Variants in SHISA9 observed in about 807,000 individuals in gnomAD.
The protein encoded by SHISA9 is protein shisa-9.
SHISA9 carries 13 observed loss-of-function variants against 38.0 expected under a neutral mutation model. The observed-to-expected ratio is 0.34, with a 90% CI of 0.22 to 0.54. The LOEUF is 0.54. Ranked by LOEUF, SHISA9 falls within the 20% of genes least tolerant of loss-of-function variation. The pLI, the probability that SHISA9 is intolerant of heterozygous loss-of-function variation, is 0.91. For synonymous variants in SHISA9, 275 were observed against 242.0 expected, an observed-to-expected ratio of 1.14 and a Z score of -1.27; for missense variants, 538 against 575.8, an observed-to-expected ratio of 0.93 and a Z score of 0.67.
the SHISA9 span, among the ~76,000 whole-genome samples, chr16:13,475,667 A>AG: frequency 6.6e-6 from 1 of 152,160 alleles, no homozygotes; most frequent in Non-Finnish European, 1.5e-5. Flanking sequence ...TATCACATTT[A>AG]TTGCGGATTT....
intron 2 of SHISA9, among the ~76,000 whole-genome samples, chr16:13,080,266 G>C (rs2073632739): frequency 6.6e-6 from 1 of 152,208 alleles, no homozygotes; most frequent in Non-Finnish European, 1.5e-5. Context: ...CCAGCTACTT[G>C]GGAGGCTGAC....
the SHISA9 span, among the ~76,000 whole-genome samples, chr16:13,481,752 TG>T: frequency 6.6e-6 from 1 of 152,186 alleles, no homozygotes. Context: ...CAGAGGTCAT[TG>T]CCACAGTGAT....
intron 2 of SHISA9, among the ~76,000 whole-genome samples, chr16:13,129,093 T>C (rs992870185): frequency 6.6e-6 from 1 of 152,246 alleles, no homozygotes; most frequent in Non-Finnish European, 1.5e-5. Context: ...ATCTTCTTTA[T>C]GTCAGACATT....
chr16:13,306,197 C>A, the SHISA9 span, among the ~76,000 whole-genome samples: 1 of 152,114 alleles, frequency 6.6e-6, no homozygotes, highest in Non-Finnish European at 1.5e-5. Flanking sequence ...AATTGAGATA[C>A]AGGAAATGGG....
At chr16:13,494,192 T>C in the SHISA9 span, among the ~76,000 whole-genome samples, 1 of 152,188 alleles carries the variant, frequency 6.6e-6, no homozygotes. Context: ...CATGAATAAA[T>C]TCCCTTTGTA....
intron 2 of SHISA9, among the ~76,000 whole-genome samples, chr16:13,107,631 G>C (rs2073940348): frequency 6.6e-6 from 1 of 152,050 alleles, no homozygotes; most frequent in Admixed American, 6.6e-5. Context: ...AGGACATTGA[G>C]GCTTAGTAAT....
At chr16:13,397,010 A>C in the SHISA9 span, among the ~76,000 whole-genome samples, 2 of 152,000 alleles carry the variant, frequency 1.3e-5, no homozygotes, top group South Asian at 4.1e-4. Flanking sequence ...ACTCCTCAAC[A>C]TGAAGACAAT....
intron 2 of SHISA9, among the ~76,000 whole-genome samples, chr16:13,136,375 TG>T (rs1219556409): frequency 1.5e-4 from 23 of 151,294 alleles, no homozygotes; most frequent in African/African-American, 5.6e-4. Flanking sequence ...CTTTTCGTTG[TG>T]TGAAATATAC....
chr16:13,513,262 C>T, the SHISA9 span, among the ~76,000 whole-genome samples: 1 of 152,254 alleles, frequency 6.6e-6, no homozygotes, highest in East Asian at 1.9e-4. Context: ...AGAAAAAGCT[C>T]AACATCACTG....
the SHISA9 span, among the ~76,000 whole-genome samples, chr16:13,522,497 T>TCC: frequency 1.5e-4 from 23 of 151,190 alleles, no homozygotes; most frequent in African/African-American, 4.6e-4. Flanking sequence ...CAGTGAGGAG[T>TCC]CCCCCCCCGA....
chr16:13,469,171 G>A, the SHISA9 span, among the ~76,000 whole-genome samples: 1 of 151,284 alleles, frequency 6.6e-6, no homozygotes, highest in Non-Finnish European at 1.5e-5. Flanking sequence ...GAAACCTGGA[G>A]GTGGAGGTTG....
chr16:13,449,451 G>A, the SHISA9 span, among the ~76,000 whole-genome samples: 1 of 152,286 alleles, frequency 6.6e-6, no homozygotes, highest in South Asian at 2.1e-4. Context: ...CTGGGGGTAA[G>A]GGGAAGCTAT....
At chr16:13,258,926 C>T in the SHISA9 span, among the ~76,000 whole-genome samples, 16 of 152,152 alleles carry the variant, frequency 1.1e-4, no homozygotes, top group African/African-American at 3.6e-4. Flanking sequence ...TGGCCCCTCC[C>T]AATCTCATGT....
the SHISA9 span, among the ~76,000 whole-genome samples, chr16:13,519,437 A>G: frequency 6.6e-6 from 1 of 152,216 alleles, no homozygotes; most frequent in Non-Finnish European, 1.5e-5. Flanking sequence ...TGGTGCTTCA[A>G]GAAGTATTTC....
At chr16:13,219,143 A>G (rs965145254) in intron 4 of SHISA9, among the ~76,000 whole-genome samples, 1 of 152,200 alleles carries the variant, frequency 6.6e-6, no homozygotes. Context: ...ATGAATGCGC[A>G]AAGAGGGTTC....
chr16:13,052,186 A>C (rs866046166), intron 2 of SHISA9, among the ~76,000 whole-genome samples: 5 of 152,220 alleles, frequency 3.3e-5, no homozygotes, highest in South Asian at 2.1e-4. Flanking sequence ...CAAGAAAAGA[A>C]AAAAAAGAAG....
the SHISA9 span, among the ~76,000 whole-genome samples, chr16:13,260,868 A>G: frequency 6.6e-6 from 1 of 152,172 alleles, no homozygotes; most frequent in African/African-American, 2.4e-5. Flanking sequence ...GGAACAAAAA[A>G]AGGTTTAATT....
chr16:13,212,829 A>G (rs938001842), intron 3 of SHISA9, among the ~76,000 whole-genome samples: 5 of 152,086 alleles, frequency 3.3e-5, no homozygotes, highest in Non-Finnish European at 5.9e-5. Flanking sequence ...CAGGAGGGGG[A>G]TTGCAGTGGA....
the SHISA9 span, among the ~76,000 whole-genome samples, chr16:13,420,422 G>C: frequency 2.3e-4 from 35 of 152,158 alleles, 1 homozygote; most frequent in South Asian, 7.3e-3. Flanking sequence ...AGATGGGGAT[G>C]GAAGCTATCA....
Sources: allele counts gnomAD v4.1 joint callset (sites outside exome capture counted in the v4.1 genomes callset), GRCh38; gene constraint gnomAD v4.1.1; transcripts MANE v1.5; gene names NCBI Gene and HGNC (gene_info 2026-07-23, HGNC 2026-07-21).